The following SLC38A1 variants were observed in gnomAD, a reference collection of about 807,000 sequenced individuals.
The protein encoded by SLC38A1 is solute carrier family 38 member 1.
A neutral mutation model predicts 60.3 loss-of-function variants in SLC38A1; 18 were observed. The ratio of observed to expected loss-of-function variants is 0.30; its 90% confidence interval spans 0.21 to 0.44. The LOEUF (loss-of-function observed/expected upper bound fraction) is 0.44. SLC38A1 is among the 20% of genes least tolerant of loss of function. The probability of loss-of-function intolerance (pLI) is 1.00; values close to 1 mark genes in which losing one functional copy is unlikely to be tolerated. For missense variants in SLC38A1, 448 were observed against 587.2 expected, an observed-to-expected ratio of 0.76 and a Z score of 2.45; for synonymous variants, 196 against 212.1, an observed-to-expected ratio of 0.92 and a Z score of 0.66.
Position 46,214,329 on chromosome 12 carries a change from T to C in SLC38A1, c.315-5202A>G, listed in dbSNP as rs983361323. On this transcript the variant is annotated intron_variant, in intron 5 of 16. Coordinates refer to ENST00000398637, the MANE Select transcript of SLC38A1 (RefSeq NM_030674.4). ...TGGTCCTAGATATATTTACTCTTTT[T>C]GCTGCAAGAAAATTTTGACTCATCT... is the stretch of plus-strand genomic sequence containing the variant. Among the ~76,000 whole-genome samples the C allele has an allele frequency of 3.3e-5, 5 of 152,232 alleles. No individual in the cohort carries two copies. In the East Asian group the frequency reaches 5.8e-4, roughly 18 times the overall value.
At position 46,188,165 on chromosome 12, in the gene SLC38A1, A is replaced by T. The variant is rs1485467789; in HGVS notation, c.*805T>A. ...AGGTTCCATAGGTTTTCCCCAGCGA[A>T]AGTTGACTCAGACCAGAGTAACTCT... On this transcript the variant is annotated 3_prime_UTR_variant, in exon 17 of 17. Coordinates refer to ENST00000398637, the MANE Select transcript of SLC38A1 (RefSeq NM_030674.4). 2 of 152,234 alleles carry T rather than the reference A, an allele frequency of 1.3e-5. No individual in the cohort carries two copies. The highest frequency in any genetic ancestry group is 2.9e-5 in the Non-Finnish European group (2 of 68,042). 9.4% of individuals were successfully genotyped at this position (152,234 alleles called of 1,614,324 possible).
chr12:46,183,357 T>A lies in SLC38A1; in HGVS notation c.*5613A>T, dbSNP rs1023550474. ...GTGGATTACATACCAACGACCAAGA[T>A]TCAAGTGTTTGGGGAAAAAAATACC... is the stretch of plus-strand genomic sequence containing the variant. On this transcript the variant is annotated 3_prime_UTR_variant, in exon 17 of 17. Coordinates refer to ENST00000398637, the MANE Select transcript of SLC38A1 (RefSeq NM_030674.4). The A allele has an allele frequency of 1.3e-5, 2 of 152,212 alleles. No homozygotes were observed. The highest frequency in any genetic ancestry group is 4.8e-5 in the African/African-American group (2 of 41,464). 9.4% of individuals were successfully genotyped at this position (152,212 alleles called of 1,614,324 possible). A position where few individuals can be genotyped will look rare whatever the true frequency, so the allele number is the denominator to read the frequency against.
intron 3 of SLC38A1, among the ~76,000 whole-genome samples, chr12:46,235,405 A>T (rs1221805567): frequency 6.6e-6 from 1 of 152,230 alleles, no homozygotes; most frequent in Non-Finnish European, 1.5e-5. Flanking sequence ...AGGAGAATAA[A>T]ATGAAAGGGA....
intron 13 of SLC38A1, among the ~76,000 whole-genome samples, 187 bp from the exon 14 acceptor site, chr12:46,198,930 G>A (rs1859171784): frequency 6.6e-6 from 1 of 152,180 alleles, no homozygotes; most frequent in African/African-American, 2.4e-5. Flanking sequence ...GTGCATACGC[G>A]ACTTAGCAAA....
intron 1 of SLC38A1, among the ~76,000 whole-genome samples, chr12:46,248,102 C>T (rs143560943): frequency 0.017 from 2,591 of 152,256 alleles, 37 homozygotes; most frequent in Non-Finnish European, 0.028. Context: ...TAAAGACCAT[C>T]GATGCTGTGA....
chr12:46,208,326 G>A (rs542144716), intron 6 of SLC38A1, among the ~76,000 whole-genome samples: 58 of 152,248 alleles, frequency 3.8e-4, no homozygotes, highest in Non-Finnish European at 4.7e-4. Flanking sequence ...CTTTATAACT[G>A]TTCAGTTCAT....
chr12:46,219,950 C>CAT (rs1940588136), intron 5 of SLC38A1, among the ~76,000 whole-genome samples: 1 of 152,100 alleles, frequency 6.6e-6, no homozygotes, highest in Admixed American at 6.5e-5. Context: ...CGCATGTGCG[C>CAT]GCACACACAC....
At chr12:46,226,544 A>G (rs1172655116) in intron 5 of SLC38A1, among the ~76,000 whole-genome samples, 1 of 152,050 alleles carries the variant, frequency 6.6e-6, no homozygotes, top group African/African-American at 2.4e-5. Context: ...AGAAGGTCCA[A>G]AATCTGGGGG....
intron 3 of SLC38A1, 72 bp downstream of exon 3, chr12:46,239,607 T>C: frequency 6.4e-7 from 1 of 1,554,910 alleles, no homozygotes. Context: ...CCTCCCAAAG[T>C]GATGGGATTA....
chr12:46,200,238 G>A (rs937217677), intron 13 of SLC38A1, among the ~76,000 whole-genome samples: 6 of 151,980 alleles, frequency 3.9e-5, no homozygotes, highest in Non-Finnish European at 7.4e-5. Flanking sequence ...AATAATATCT[G>A]TATAATCAGA....
chr12:46,202,356 C>A (rs771723295), intron 12 of SLC38A1, among the ~76,000 whole-genome samples: 2 of 151,934 alleles, frequency 1.3e-5, no homozygotes, highest in Non-Finnish European at 2.9e-5. Flanking sequence ...CTGATATTGT[C>A]GATCTTTTCT....
At chr12:46,207,045 C>A in intron 8 of SLC38A1, 110 bp downstream of exon 8, 1 of 698,774 alleles carries the variant, frequency 1.4e-6, no homozygotes, top group Non-Finnish European at 2.3e-6. Flanking sequence ...ACAAACAAAA[C>A]GCAGCCTAGG....
At chr12:46,211,769 G>C (rs765803785) in intron 5 of SLC38A1, among the ~76,000 whole-genome samples, 8 of 152,210 alleles carry the variant, frequency 5.3e-5, no homozygotes, top group Non-Finnish European at 1.2e-4. Context: ...CCATGTTTAA[G>C]AGACGTAACA....
At chr12:46,229,783 A>T (rs1941000666) in intron 3 of SLC38A1, 144 bp from the exon 4 acceptor site, 1 of 669,960 alleles carries the variant, frequency 1.5e-6, no homozygotes, top group Non-Finnish European at 2.5e-6. Context: ...TTCAACCACC[A>T]ACTCCCCCCA....
At position 46,207,365 on chromosome 12, in the gene SLC38A1, C is replaced by G. The variant is rs1939955517; in HGVS notation, c.482-129G>C. The G allele has an allele frequency of 6.7e-6, 7 of 1,041,726 alleles. No individual in the cohort carries two copies. The South Asian group carries it at 1.0e-4, about 16-fold the overall frequency. The allele number at this position is 1,041,726 out of a possible 1,614,324, so 64.5% of individuals were successfully genotyped here. A position where few individuals can be genotyped will look rare whatever the true frequency, so the allele number is the denominator to read the frequency against. On this transcript the variant is annotated intron_variant, in intron 7 of 16. Coordinates refer to ENST00000398637, the MANE Select transcript of SLC38A1 (RefSeq NM_030674.4). ...ACAAAGGCAACTTCAGCTACTCTAG[C>G]AGGATTTGTGGCTTTAAATAAGTGA...
chr12:46,226,986 A>G (rs1429093703), intron 5 of SLC38A1, among the ~76,000 whole-genome samples: 1 of 152,092 alleles, frequency 6.6e-6, no homozygotes, highest in Non-Finnish European at 1.5e-5. Flanking sequence ...AAACAGGCCC[A>G]CATCAAGGCA....
intron 1 of SLC38A1, among the ~76,000 whole-genome samples, chr12:46,253,156 A>C (rs1421703287): frequency 1.3e-5 from 2 of 152,194 alleles, no homozygotes; most frequent in Non-Finnish European, 2.9e-5. Context: ...TGAGGACTGT[A>C]GTTAATACAG....
At chr12:46,213,998 GA>G (rs1565766056) in intron 5 of SLC38A1, among the ~76,000 whole-genome samples, 1 of 152,178 alleles carries the variant, frequency 6.6e-6, no homozygotes, top group Non-Finnish European at 1.5e-5. Flanking sequence ...ATAGTCCCAT[GA>G]TCTACTTAGC....
intron 5 of SLC38A1, among the ~76,000 whole-genome samples, chr12:46,218,619 C>A (rs919994248): frequency 3.9e-5 from 6 of 152,046 alleles, no homozygotes; most frequent in African/African-American, 1.4e-4. Context: ...GTTCACCTTG[C>A]CTGCTGCCTA....
Sources: gnomAD v4.1 joint callset for allele counts (sites outside exome capture counted in the v4.1 genomes callset) on GRCh38, gnomAD v4.1.1 for gene constraint, MANE v1.5 for transcripts, NCBI Gene and HGNC (gene_info 2026-07-23, HGNC 2026-07-21) for gene names.